PCDHGB5: variants seen among roughly 807,000 people sequenced by gnomAD.
PCDHGB5 encodes protocadherin gamma-B5.
In PCDHGB5, 48 loss-of-function variants were observed where a neutral mutation model predicts 62.9. The ratio of observed to expected loss-of-function variants is 0.76; its 90% CI spans 0.61 to 0.97. PCDHGB5 has a LOEUF of 0.97. Among genes scored for constraint, PCDHGB5 ranks in the 50% least tolerant of loss-of-function variants. The pLI, the probability that PCDHGB5 is intolerant of heterozygous loss-of-function variation, is 0.00. For missense variants in PCDHGB5, 1,118 were observed against 1,198.6 expected, an observed-to-expected ratio of 0.93 and a Z score of 0.99; for synonymous variants, 474 against 511.2, an observed-to-expected ratio of 0.93 and a Z score of 0.98.
intron 1 of PCDHGB5, among the ~76,000 whole-genome samples, chr5:141,466,358 A>G (rs1210013683): frequency 6.6e-6 from 1 of 152,066 alleles, no homozygotes; most frequent in Admixed American, 6.5e-5. Flanking sequence ...GCTAATCTAG[A>G]TGTAATGGTT....
chr5:141,455,798 T>TA (rs2098831882), intron 1 of PCDHGB5, among the ~76,000 whole-genome samples: 1 of 152,036 alleles, frequency 6.6e-6, no homozygotes, highest in African/African-American at 2.4e-5. Flanking sequence ...GGAGATGCTT[T>TA]AAAAAATGAA....
intron 1 of PCDHGB5, chr5:141,405,047 G>C: frequency 1.2e-6 from 2 of 1,613,944 alleles, no homozygotes; most frequent in Non-Finnish European, 1.7e-6. Flanking sequence ...GGCTGTGGCA[G>C]TCGTCTCCTG....
intron 1 of PCDHGB5, chr5:141,408,243 G>T: frequency 6.3e-7 from 1 of 1,583,996 alleles, no homozygotes; most frequent in African/African-American, 1.3e-5. Context: ...GCCGGCCCGC[G>T]GCAGGTGCTA....
At chr5:141,442,358 A>C (rs2098318223) in intron 1 of PCDHGB5, 1 of 152,304 alleles carries the variant, frequency 6.6e-6, no homozygotes, top group African/African-American at 2.4e-5. Context: ...CTGTAGCTCT[A>C]TGATGCCATA....
intron 2 of PCDHGB5, among the ~76,000 whole-genome samples, chr5:141,500,399 C>T (rs966328306): frequency 1.3e-5 from 2 of 151,806 alleles, no homozygotes; most frequent in South Asian, 2.1e-4. Context: ...TTAGTAGAGA[C>T]GGGGTTTCAC....
intron 1 of PCDHGB5, among the ~76,000 whole-genome samples, chr5:141,467,950 C>T (rs780236016): frequency 2.6e-5 from 4 of 152,290 alleles, no homozygotes; most frequent in Admixed American, 6.5e-5. Context: ...TGAGCCACCA[C>T]ACCCGGCTGC....
Position 141,425,378 on chromosome 5 carries a change from C to T in PCDHGB5, c.2397+24854C>T, listed in dbSNP as rs372445707. Among the ~76,000 whole-genome samples the T allele has an allele frequency of 1.6e-4, 25 of 152,174 alleles. 1 individual carries two copies. The highest frequency in any genetic ancestry group is 3.9e-4 in the African/African-American group (16 of 41,522). On this transcript the variant is annotated intron_variant, in intron 1 of 3. Transcript: ENST00000617380. ...TGATATTAAGAGGGTTATGTTGATTCGGAGGTAGTGATAAAGTTCTGTTAA... is the reference window on the plus strand; with the variant it reads ...TGATATTAAGAGGGTTATGTTGATTTGGAGGTAGTGATAAAGTTCTGTTAA...
In PCDHGB5 at chr5:141,502,866, C is replaced by CT. The variant is rs549047197; in HGVS notation, c.2457-2513dup. ...GAGCTGCCTAACCCTGACTCTCTGT[C>CT]TTTTTTTTTTTTTTGACAGGGAGTC... On this transcript the variant is annotated intron_variant, in intron 2 of 3. Transcript: ENST00000617380. Among the ~76,000 whole-genome samples, 1,216 of 127,988 alleles carry CT rather than the reference C, an allele frequency of 9.5e-3. 34 individuals are homozygous for CT. Among genetic ancestry groups the CT allele is most frequent in the Non-Finnish European group, 0.015 (955 of 62,394 alleles). The allele number at this position is 127,988 out of a possible 152,430, so 84.0% of individuals were successfully genotyped here.
chr5:141,510,919 C>T (rs748157000), intron 3 of PCDHGB5, 28 bp from the exon 4 acceptor site: 1 of 1,613,894 alleles, frequency 6.2e-7, no homozygotes, highest in East Asian at 2.2e-5. Context: ...AAGTTTAGCT[C>T]CCACCTGATC....
intron 1 of PCDHGB5, chr5:141,413,487 G>A (rs1190400492): frequency 1.9e-6 from 3 of 1,613,928 alleles, no homozygotes; most frequent in African/African-American, 2.7e-5. Context: ...CTCAGAGCGC[G>A]CGGTGCGTGG....
Position 141,490,142 on chromosome 5 carries a change from C to A in PCDHGB5, c.2398-4665C>A. On this transcript the variant is annotated intron_variant, in intron 1 of 3. Coordinates refer to ENST00000617380, the MANE Select transcript of PCDHGB5 (RefSeq NM_018925.3). This position sits in a 1 kb window ranked among gnomAD's most constrained non-coding sequence, Gnocchi z 5.4. The stretch of plus-strand genomic sequence containing the variant: ...TTTGGCCTAGACCCTAGCAGTGGGG[C>A]AATCCATGTGTTGGGTCCCATAGAC... The A allele has an allele frequency of 1.9e-6, 3 of 1,614,220 alleles. No individual in the cohort carries two copies. The highest frequency in any genetic ancestry group is 2.7e-5 in the African/African-American group (2 of 75,060).
At chr5:141,447,947 A>G (rs2098555998) in intron 1 of PCDHGB5, among the ~76,000 whole-genome samples, 1 of 151,958 alleles carries the variant, frequency 6.6e-6, no homozygotes, top group South Asian at 2.1e-4. Flanking sequence ...TTAGCTGGGC[A>G]TGGTGGCGGA....
intron 1 of PCDHGB5, chr5:141,430,735 A>T (rs1255723102): frequency 6.7e-7 from 1 of 1,497,964 alleles, no homozygotes; most frequent in Non-Finnish European, 8.9e-7. Context: ...GGCAGAATTG[A>T]AAATAATTCT....
rs2093748237 is a variant in PCDHGB5 at position 141,399,071 on chromosome 5, T to C, written c.944T>C (p.Val315Ala). 6.2e-7 allele frequency: 1 copy of C among 1,613,808 alleles called. No individual in the cohort carries two copies. Residue 315 changes from valine to alanine, a missense_variant, in exon 1 of 4, where the codon GTA (valine) becomes GCA (alanine). Val to Ala is a moderately conservative substitution (Grantham distance 64). Transcript: ENST00000617380. Reference protein sequence around the residue: ...FEETKEYSMVVEGRDGGGLVA... With the variant: ...FEETKEYSMVAEGRDGGGLVA... ...GAGACCAAGGAATATTCAATGGTTGTAGAAGGGAGGGATGGTGGTGGACTG... is the reference window on the plus strand; with the variant it reads ...GAGACCAAGGAATATTCAATGGTTGCAGAAGGGAGGGATGGTGGTGGACTG...
At chr5:141,422,705 C>T (rs371027437) in intron 1 of PCDHGB5, 2 of 1,602,706 alleles carry the variant, frequency 1.2e-6, no homozygotes, top group South Asian at 1.1e-5. Context: ...TACTCTCTGA[C>T]GGATGACACT....
At position 141,490,171 on chromosome 5, in the gene PCDHGB5, G is replaced by A. The variant is rs374421995; in HGVS notation, c.2398-4636G>A. 4 of 1,614,100 alleles carry A rather than the reference G, an allele frequency of 2.5e-6. No individual in the cohort carries two copies. The highest frequency in any genetic ancestry group is 3.4e-6 in the Non-Finnish European group (4 of 1,180,034). On this transcript the variant is annotated intron_variant, in intron 1 of 3. Coordinates refer to ENST00000617380, the MANE Select transcript of PCDHGB5 (RefSeq NM_018925.3). The surrounding 1 kb of genome is among the most constrained non-coding windows in gnomAD (Gnocchi z 5.4). ...CCATGTGTTGGGTCCCATAGACTTT[G>A]AGGAGTCACGTTTCTATGAAATTCA...
rs752147264 is a variant in PCDHGB5, at chr5:141,398,602, G to C, written c.475G>C (p.Asp159His). 8 of 1,613,936 alleles carry C rather than the reference G, an allele frequency of 5.0e-6. No individual in the cohort carries two copies. The East Asian group carries it at 1.6e-4, about 31-fold the overall frequency. Residue 159 changes from aspartate (D) to histidine (H), a missense_variant, in exon 1 of 4, where the codon GAT (aspartate) becomes CAT (histidine). This residue lies in a region of PCDHGB5 where 1,034 missense variants were observed against 1,029.1 expected (regional missense o/e 1.00). Transcript: ENST00000617380. ...AAGATTTATACTAGAAGTAGCAGAA[G>C]ATGCAGATATTGGCTTAAACTCTCT... ...GTRFILEVAEDADIGLNSLQK... is the reference protein window; with the variant it reads ...GTRFILEVAEHADIGLNSLQK...
chr5:141,418,579 A>G (rs1561774780), intron 1 of PCDHGB5: 1 of 1,614,000 alleles, frequency 6.2e-7, no homozygotes, highest in Admixed American at 1.7e-5. Flanking sequence ...ACAACCCCCC[A>G]GTGTTCAGCC....
Position 141,505,432 on chromosome 5 carries a change from C to T in PCDHGB5, c.2496C>T (p.Asn832=), listed in dbSNP as rs776731214. Residue 832 remains asparagine, a synonymous_variant, in exon 3 of 4, where the codon AAC becomes AAT. Transcript: ENST00000617380. ...ATGACACCGGCACCTGGCCCAACAA[C>T]CAGTTTGACACAGAGATGCTGCAAG... ...NGDDTGTWPN[N]QFDTEMLQAM... 6.2e-7 allele frequency: 1 copy of T among 1,614,252 alleles called. No homozygotes were observed. Among genetic ancestry groups the T allele is most frequent in the Non-Finnish European group, 8.5e-7 (1 of 1,180,048 alleles).
Sources: gnomAD v4.1 joint callset for allele counts (sites outside exome capture counted in the v4.1 genomes callset) on GRCh38, gnomAD v4.1.1 for gene constraint, gnomAD v4.1.1 regional missense constraint, Gnocchi (gnomAD v3.1) non-coding constraint, MANE v1.5 for transcripts, NCBI Gene and HGNC (gene_info 2026-07-23, HGNC 2026-07-21) for gene names.